The following CEMIP2 variants were observed in gnomAD, a reference collection of about 807,000 sequenced individuals.
The protein encoded by CEMIP2 is cell surface hyaluronidase CEMIP2.
A neutral mutation model predicts 146.9 loss-of-function variants in CEMIP2; 79 were observed. The observed-to-expected ratio is 0.54, with a 90% CI of 0.45 to 0.65. The LOEUF is 0.65. Ranked by LOEUF, CEMIP2 falls within the 30% of genes least tolerant of loss-of-function variation. The pLI is 0.00. For missense variants in CEMIP2, 1,596 were observed against 1,696.2 expected (o/e 0.94, Z 1.04); for synonymous variants, 601 against 606.3 (o/e 0.99, Z 0.13).
At position 71,750,037 on chromosome 9, in the gene CEMIP2, A is replaced by G; in HGVS notation, c.331+6T>C. The G allele has an allele frequency of 6.3e-7, 1 of 1,589,222 alleles. No individual in the cohort carries two copies. Among genetic ancestry groups the G allele is most frequent in the Non-Finnish European group, 8.6e-7 (1 of 1,167,562 alleles). On this transcript the variant is annotated splice_donor_region_variant and intron_variant, in intron 2 of 23. Transcript: ENST00000377044. ...ATATGTTCTATGTGCATATACACAC[A>G]CTTACCATCTGGAGCATATTTTGAG...
intron 5 of CEMIP2, among the ~76,000 whole-genome samples, chr9:71,739,291 T>TGGGA (rs1210601115): frequency 7.7e-6 from 1 of 129,208 alleles, no homozygotes; most frequent in Non-Finnish European, 1.6e-5. Context: ...TGCTTGAACC[T>TGGGA]GGGAGGCGGA....
chr9:71,769,156 G>C (rs1446555665), upstream of CEMIP2, among the ~76,000 whole-genome samples: 1 of 152,166 alleles, frequency 6.6e-6, no homozygotes, highest in Non-Finnish European at 1.5e-5. Flanking sequence ...ACACCCGCCT[G>C]GCCGAACCGG....
At chr9:71,702,292 T>C (rs1322838419) in intron 18 of CEMIP2, among the ~76,000 whole-genome samples, 1 of 145,888 alleles carries the variant, frequency 6.9e-6, no homozygotes, top group Non-Finnish European at 1.5e-5. Flanking sequence ...ATTGTTCACC[T>C]AGGTTTTCAA....
chr9:71,728,282 T>C (rs1310821053), intron 10 of CEMIP2, among the ~76,000 whole-genome samples: 1 of 10,108 alleles, frequency 9.9e-5, no homozygotes, highest in Non-Finnish European at 2.8e-4. Context: ...TATATATATG[T>C]ATATATATAT....
intron 1 of CEMIP2, among the ~76,000 whole-genome samples, chr9:71,761,183 G>A (rs1198371255): frequency 6.6e-6 from 1 of 152,220 alleles, no homozygotes; most frequent in Non-Finnish European, 1.5e-5. Flanking sequence ...ATTTAATTAA[G>A]GTTATAGCAA....
chr9:71,684,600 A>T lies in CEMIP2; in HGVS notation c.*597T>A, dbSNP rs570082938. The T allele has an allele frequency of 2.6e-5, 4 of 152,760 alleles. No homozygotes were observed. The South Asian group carries it at 8.3e-4, about 32-fold the overall frequency. The allele number at this position is 152,760 out of a possible 1,614,324, so 9.5% of individuals were successfully genotyped here. On this transcript the variant is annotated 3_prime_UTR_variant, in exon 24 of 24. Transcript: ENST00000377044. ...CAATATACTTCCTGTTTGAAAGTTTAACCCTTACAAGTAATTGATATATAA... is the reference window on the plus strand; with the variant it reads ...CAATATACTTCCTGTTTGAAAGTTTTACCCTTACAAGTAATTGATATATAA...
At chr9:71,717,908 A>G (rs1315910966) in intron 13 of CEMIP2, 40 bp downstream of exon 13, 1 of 1,561,054 alleles carries the variant, frequency 6.4e-7, no homozygotes, top group Non-Finnish European at 8.7e-7. Flanking sequence ...AAAATAATAC[A>G]TCAGTGTCAT....
rs182917907 is a variant in CEMIP2 at position 71,761,420 on chromosome 9, G to A, written c.-13+6937C>T. Among the ~76,000 whole-genome samples the A allele has an allele frequency of 1.4e-3, 210 of 152,284 alleles. 1 individual carries two copies. The highest frequency in any genetic ancestry group is 4.1e-4 in the South Asian group (2 of 4,822). On this transcript the variant is annotated intron_variant, in intron 1 of 23. Transcript: ENST00000377044. Reference sequence around the variant, plus strand: ...ATGCAATGACAATAGGAAACAGAAGGGGTATGTTTTGATGTGCCTTTCACA... The same window carrying A: ...ATGCAATGACAATAGGAAACAGAAGAGGTATGTTTTGATGTGCCTTTCACA...
chr9:71,761,419 G>C (rs1008548334), intron 1 of CEMIP2, among the ~76,000 whole-genome samples: 5 of 152,184 alleles, frequency 3.3e-5, no homozygotes, highest in Non-Finnish European at 7.3e-5. Context: ...GGAAACAGAA[G>C]GGGTATGTTT....
intron 12 of CEMIP2, among the ~76,000 whole-genome samples, chr9:71,721,603 C>T (rs561075186): frequency 1.3e-5 from 2 of 152,290 alleles, no homozygotes; most frequent in South Asian, 4.1e-4. Flanking sequence ...GGCTCACCAA[C>T]CTATGGTGTG....
chr9:71,722,597 T>G (rs1823265868), intron 11 of CEMIP2, 82 bp from the exon 12 acceptor site: 1 of 1,161,568 alleles, frequency 8.6e-7, no homozygotes, highest in South Asian at 1.5e-5. Flanking sequence ...AAAATAGATT[T>G]TAGCTTATCA....
At chr9:71,749,570 G>T (rs1824185908) in intron 2 of CEMIP2, among the ~76,000 whole-genome samples, 1 of 152,026 alleles carries the variant, frequency 6.6e-6, no homozygotes, top group East Asian at 1.9e-4. Context: ...GCCAGATGTG[G>T]TGGCACTTGC....
intron 1 of CEMIP2, among the ~76,000 whole-genome samples, chr9:71,753,854 G>A (rs1824330829): frequency 6.6e-6 from 1 of 152,156 alleles, no homozygotes; most frequent in African/African-American, 2.4e-5. Flanking sequence ...CATTCAGTAA[G>A]CTAATTGTGA....
Position 71,683,535 on chromosome 9 carries a change from C to CACAG in CEMIP2, c.*1661_*1662insCTGT, listed in dbSNP as rs1445352487. The CACAG allele has an allele frequency of 2.1e-5, 1 of 47,092 alleles. No homozygotes were observed. The highest frequency in any genetic ancestry group is 2.2e-4 in the Admixed American group (1 of 4,492). 2.9% of individuals were successfully genotyped at this position (47,092 alleles called of 1,614,324 possible). A position where few individuals can be genotyped will look rare whatever the true frequency, so the allele number is the denominator to read the frequency against. On this transcript the variant is annotated 3_prime_UTR_variant, in exon 24 of 24. Transcript: ENST00000377044. ...AAGTCATAAAACACACACACACACACACACACACACACACACTCTAATGAC... is the reference window on the plus strand; with the variant it reads ...AAGTCATAAAACACACACACACACACACAGACACACACACACACACTCTAATGAC...
At position 71,685,038 on chromosome 9, in the gene CEMIP2, T is replaced by C; in HGVS notation, c.*159A>G. On this transcript the variant is annotated 3_prime_UTR_variant, in exon 24 of 24. Transcript: ENST00000377044. ...TGTACAACTAGAAGGTGCATGAAGC[T>C]GGTATCCAAGCAATAATTTCAAACG... 1.6e-6 allele frequency: 1 copy of C among 628,120 alleles called. No homozygotes were observed. Among genetic ancestry groups the C allele is most frequent in the Non-Finnish European group, 2.6e-6 (1 of 382,866 alleles). The allele number at this position is 628,120 out of a possible 1,614,324, so 38.9% of individuals were successfully genotyped here.
At chr9:71,714,818 GAA>G (rs1343951543) in intron 15 of CEMIP2, 114 bp downstream of exon 15, 7 of 1,028,638 alleles carry the variant, frequency 6.8e-6, no homozygotes, top group Non-Finnish European at 9.6e-6. Context: ...GATAAAATAG[GAA>G]AAGAGTCTCA....
chr9:71,687,438 T>C (rs1164273729), intron 22 of CEMIP2: 1 of 151,056 alleles, frequency 6.6e-6, no homozygotes, highest in African/African-American at 2.4e-5. Flanking sequence ...CCTTTAGCAA[T>C]ATATTTAATA....
At chr9:71,734,208 G>GGTTTTTTTTTTTTTTTTTT (rs374206725) in intron 6 of CEMIP2, among the ~76,000 whole-genome samples, 2 of 144,134 alleles carry the variant, frequency 1.4e-5, no homozygotes, top group South Asian at 2.5e-4. Flanking sequence ...ATGAGTTTTT[G>GGTTTTTTTTTTTTTTTTTT]TTTTTGTTTT....
At chr9:71,722,654 T>TAAAAAA in intron 11 of CEMIP2, 139 bp from the exon 12 acceptor site, 1 of 449,266 alleles carries the variant, frequency 2.2e-6, no homozygotes. Context: ...AAAGGTACTG[T>TAAAAAA]AAAAAAAAAA....
Sources: gnomAD v4.1 joint callset for allele counts (sites outside exome capture counted in the v4.1 genomes callset) on GRCh38, gnomAD v4.1.1 for gene constraint, MANE v1.5 for transcripts, NCBI Gene and HGNC (gene_info 2026-07-23, HGNC 2026-07-21) for gene names.